ARHGAP15: variants seen among roughly 807,000 people sequenced by gnomAD.
ARHGAP15 encodes the protein Rho GTPase activating protein 15, also known as rho GTPase-activating protein 15.
Under a neutral mutation model 63.7 loss-of-function variants are expected in ARHGAP15, and 51 were observed. The observed-to-expected ratio is 0.80, with a 90% CI of 0.64 to 1.01. ARHGAP15 has a LOEUF of 1.01. Among genes scored for constraint, ARHGAP15 ranks in the 50% least tolerant of loss-of-function variants. The pLI, the probability that ARHGAP15 is intolerant of heterozygous loss-of-function variation, is 0.00. For synonymous variants in ARHGAP15, 191 were observed against 193.8 expected, an observed-to-expected ratio of 0.99 and a Z score of 0.12; for missense variants, 560 against 564.6, an observed-to-expected ratio of 0.99 and a Z score of 0.08.
chr2:143,369,952 T>A (rs1040810146), intron 6 of ARHGAP15, among the ~76,000 whole-genome samples: 2 of 152,208 alleles, frequency 1.3e-5, no homozygotes, highest in African/African-American at 4.8e-5. Flanking sequence ...GGGATTCATA[T>A]CTGTTTTATT....
chr2:143,431,157 G>A (rs1415932586), intron 6 of ARHGAP15, among the ~76,000 whole-genome samples: 4 of 152,130 alleles, frequency 2.6e-5, no homozygotes, highest in Non-Finnish European at 5.9e-5. Flanking sequence ...AAGCAACTTT[G>A]TCTAAAGTTG....
intron 5 of ARHGAP15, among the ~76,000 whole-genome samples, chr2:143,248,446 A>G (rs1190179625): frequency 6.6e-6 from 1 of 152,310 alleles, no homozygotes; most frequent in East Asian, 1.9e-4. Flanking sequence ...ATATGATCAC[A>G]GTGTCTATTC....
chr2:143,413,927 T>TTGTGTGTGTGTGTG (rs1553476588), intron 6 of ARHGAP15, among the ~76,000 whole-genome samples: 97 of 128,028 alleles, frequency 7.6e-4, no homozygotes, highest in African/African-American at 1.2e-3. Flanking sequence ...AGGTAGGTAG[T>TTGTGTGTGTGTGTG]TGTGTGTGTG....
At chr2:143,583,930 T>C (rs551652851) in intron 11 of ARHGAP15, among the ~76,000 whole-genome samples, 2 of 152,354 alleles carry the variant, frequency 1.3e-5, no homozygotes, top group South Asian at 4.1e-4. Context: ...CTTTACTTTT[T>C]AGCTAAATTA....
At chr2:143,404,893 G>A (rs1574400909) in intron 6 of ARHGAP15, among the ~76,000 whole-genome samples, 1 of 152,080 alleles carries the variant, frequency 6.6e-6, no homozygotes, top group East Asian at 1.9e-4. Context: ...AGGTAGTGGT[G>A]AGAACTTACA....
In ARHGAP15 at chr2:143,153,843, T is replaced by TTCTTCCTCTTCCTCCTCC. The variant is rs1689957969; in HGVS notation, c.-14-1632_-14-1631insTTCCTCTTCCTCCTCCTC. Among the ~76,000 whole-genome samples, 172 of 86,884 alleles carry TTCTTCCTCTTCCTCCTCC rather than the reference T, an allele frequency of 2.0e-3. 10 individuals are homozygous for TTCTTCCTCTTCCTCCTCC. The highest frequency in any genetic ancestry group is 0.011 in the East Asian group (26 of 2,388). The allele number at this position is 86,884 out of a possible 152,430, so 57.0% of individuals were successfully genotyped here. A position where few individuals can be genotyped will look rare whatever the true frequency, so the allele number is the denominator to read the frequency against. On this transcript the variant is annotated intron_variant, in intron 1 of 13. Transcript: ENST00000295095. ...CTTCTTCTTCTTCTTCTTCTTCTTC[T>TTCTTCCTCTTCCTCCTCC]TCCTCCTCCTCCTCCTCCTCCTCCT...
chr2:143,481,233 T>C (rs1323434348), intron 8 of ARHGAP15, among the ~76,000 whole-genome samples: 1 of 152,100 alleles, frequency 6.6e-6, no homozygotes. Context: ...AGCTCCTAGC[T>C]GCTAACAAAA....
At chr2:143,513,268 C>T (rs1693666764) in intron 9 of ARHGAP15, among the ~76,000 whole-genome samples, 1 of 152,086 alleles carries the variant, frequency 6.6e-6, no homozygotes, top group Non-Finnish European at 1.5e-5. Flanking sequence ...TTGCCTGGAC[C>T]ACCAGTAAGT....
At chr2:143,448,601 G>GC (rs1690254260) in intron 8 of ARHGAP15, among the ~76,000 whole-genome samples, 7 of 152,112 alleles carry the variant, frequency 4.6e-5, no homozygotes, top group African/African-American at 1.7e-4. Context: ...GACATATATT[G>GC]TAAGTCTTGG....
intron 9 of ARHGAP15, 78 bp downstream of exon 9, chr2:143,487,573 G>T: frequency 1.4e-6 from 2 of 1,416,916 alleles, no homozygotes; most frequent in South Asian, 1.6e-5. Flanking sequence ...CAGCTCTAAA[G>T]GAATATTAGA....
chr2:143,647,487 T>A (rs1158110087), intron 12 of ARHGAP15, among the ~76,000 whole-genome samples: 1 of 151,982 alleles, frequency 6.6e-6, no homozygotes, highest in Non-Finnish European at 1.5e-5. Flanking sequence ...AGTTGTTAGG[T>A]GCTTTCTACA....
chr2:143,369,341 A>G (rs1686440917), intron 6 of ARHGAP15, among the ~76,000 whole-genome samples: 1 of 152,076 alleles, frequency 6.6e-6, no homozygotes, highest in Non-Finnish European at 1.5e-5. Context: ...AAAGATTGTA[A>G]ATATCATAAA....
chr2:143,459,371 C>T (rs1445385051), intron 8 of ARHGAP15, among the ~76,000 whole-genome samples: 2 of 152,012 alleles, frequency 1.3e-5, no homozygotes, highest in Non-Finnish European at 2.9e-5. Context: ...TGCCTTGTTT[C>T]CCATCCTTCT....
At chr2:143,739,780 G>C (rs755517261) in intron 13 of ARHGAP15, among the ~76,000 whole-genome samples, 14 of 152,132 alleles carry the variant, frequency 9.2e-5, no homozygotes, top group Non-Finnish European at 2.1e-4. Flanking sequence ...ACAGAGGATA[G>C]AGAGATCACA....
intron 6 of ARHGAP15, among the ~76,000 whole-genome samples, chr2:143,306,589 A>G: frequency 6.6e-6 from 1 of 152,178 alleles, no homozygotes; most frequent in Non-Finnish European, 1.5e-5. Flanking sequence ...AATCCTTCTT[A>G]GAATTACTTA....
chr2:143,218,819 G>A (rs891115795), intron 4 of ARHGAP15, among the ~76,000 whole-genome samples: 2 of 152,106 alleles, frequency 1.3e-5, no homozygotes, highest in Admixed American at 6.5e-5. Flanking sequence ...ACAGTATGTT[G>A]CTGTGCTGAA....
At chr2:143,346,234 T>TCTCACACACACACA (rs1371438026) in intron 6 of ARHGAP15, among the ~76,000 whole-genome samples, 8 of 79,062 alleles carry the variant, frequency 1.0e-4, no homozygotes, top group African/African-American at 3.2e-4. Context: ...ACACACTCTC[T>TCTCACACACACACA]CTCACACACA....
chr2:143,654,119 G>A (rs550802555), intron 12 of ARHGAP15, among the ~76,000 whole-genome samples: 1 of 152,210 alleles, frequency 6.6e-6, no homozygotes, highest in East Asian at 1.9e-4. Flanking sequence ...AGAATGGGTT[G>A]GCCAATGACC....
At chr2:143,745,372 G>T (rs1686125144) in intron 13 of ARHGAP15, among the ~76,000 whole-genome samples, 1 of 152,136 alleles carries the variant, frequency 6.6e-6, no homozygotes, top group Admixed American at 6.5e-5. Context: ...CATCAGCCAG[G>T]TGAAGCAAAT....
Sources: allele counts gnomAD v4.1 joint callset (sites outside exome capture counted in the v4.1 genomes callset), GRCh38; gene constraint gnomAD v4.1.1; transcripts MANE v1.5; gene names NCBI Gene and HGNC (gene_info 2026-07-23, HGNC 2026-07-21).